DMTN: variants seen among roughly 807,000 people sequenced by gnomAD.
The protein encoded by DMTN is dematin actin binding protein, also known as dematin.
In DMTN, 27 loss-of-function variants were observed where a neutral mutation model predicts 59.4. The ratio of observed to expected loss-of-function variants is 0.45; its 90% CI spans 0.33 to 0.63. DMTN has a LOEUF of 0.63. Ranked by LOEUF, DMTN falls within the 20% of genes least tolerant of loss-of-function variation. The probability of loss-of-function intolerance (pLI) is 0.02; values close to 1 mark genes in which losing one functional copy is unlikely to be tolerated. For missense variants in DMTN, 451 were observed against 528.9 expected (o/e 0.85, Z 1.45); for synonymous variants, 221 against 203.7 (o/e 1.08, Z -0.72).
chr8:22,066,179 A>G (rs982148814), intron 1 of DMTN, among the ~76,000 whole-genome samples: 2 of 152,190 alleles, frequency 1.3e-5, no homozygotes, highest in Admixed American at 6.5e-5. Flanking sequence ...TTTCCATGAA[A>G]CAAAGTTTGT....
intron 10 of DMTN, among the ~76,000 whole-genome samples, chr8:22,075,770 T>G (rs1468146974): frequency 1.3e-5 from 2 of 152,096 alleles, no homozygotes; most frequent in African/African-American, 4.8e-5. Context: ...CCACCTGCCT[T>G]GGCCTCCCAA....
chr8:22,053,434 T>A (rs1243658481), upstream of DMTN: 1 of 152,340 alleles, frequency 6.6e-6, no homozygotes, highest in Non-Finnish European at 1.5e-5. Flanking sequence ...CTGTCACCCT[T>A]TCCTTCCTCC....
intron 1 of DMTN, among the ~76,000 whole-genome samples, chr8:22,061,454 C>T (rs959244129): frequency 7.9e-5 from 12 of 152,144 alleles, no homozygotes; most frequent in Non-Finnish European, 1.5e-4. Flanking sequence ...TATTTGTGCA[C>T]GTGTGAGTAT....
At chr8:22,078,613 A>G (rs909440124) in intron 10 of DMTN, among the ~76,000 whole-genome samples, 19 of 151,626 alleles carry the variant, frequency 1.3e-4, no homozygotes, top group Non-Finnish European at 2.6e-4. Context: ...ATTTCCAGGA[A>G]AACATATTAC....
intron 13 of DMTN, 58 bp downstream of exon 13, chr8:22,080,683 A>C: frequency 1.3e-6 from 2 of 1,587,452 alleles, no homozygotes; most frequent in Non-Finnish European, 1.7e-6. Context: ...CTGGCACCCG[A>C]AAGTGTCAGG....
At chr8:22,077,933 T>G (rs551455566) in intron 10 of DMTN, among the ~76,000 whole-genome samples, 1 of 152,288 alleles carries the variant, frequency 6.6e-6, no homozygotes, top group East Asian at 1.9e-4. Context: ...TGTGTACTTA[T>G]TATTCTAAGA....
intron 15 of DMTN, 74 bp downstream of exon 15, chr8:22,081,267 G>T: frequency 1.2e-6 from 2 of 1,602,126 alleles, no homozygotes; most frequent in Non-Finnish European, 1.7e-6. Flanking sequence ...AAGATCTGGG[G>T]CCTCTATGAG....
upstream of DMTN, among the ~76,000 whole-genome samples, chr8:22,052,138 T>G (rs1293628831): frequency 6.6e-6 from 1 of 152,240 alleles, no homozygotes; most frequent in African/African-American, 2.4e-5. Context: ...GATGAGCGAC[T>G]GTCTCCACTG....
chr8:22,049,444 C>G (rs376544970), upstream of DMTN, among the ~76,000 whole-genome samples: 1,257 of 151,852 alleles, frequency 8.3e-3, 19 homozygotes, highest in African/African-American at 0.029. Context: ...CCAGCTTCTC[C>G]GGTGGGCTTT....
Position 22,058,271 on chromosome 8 carries a change from G to T in DMTN, c.-172+1135G>T, listed in dbSNP as rs1469109227. Among the ~76,000 whole-genome samples, 1 of 152,154 alleles carries T rather than the reference G, an allele frequency of 6.6e-6. No individual in the cohort carries two copies. The highest frequency in any genetic ancestry group is 1.5e-5 in the Non-Finnish European group (1 of 68,020). On this transcript the variant is annotated intron_variant, in intron 1 of 15. Transcript: ENST00000358242. This position sits in a 1 kb window ranked among gnomAD's most constrained non-coding sequence, Gnocchi z 4.3. ...TCCTGGGTGAGGTTGTCCACCCGTG[G>T]GTGGATGTCTGCAGAATCCCTCTCC...
chr8:22,071,869 C>A (rs1275547452), intron 8 of DMTN, among the ~76,000 whole-genome samples: 1 of 152,228 alleles, frequency 6.6e-6, no homozygotes, highest in Non-Finnish European at 1.5e-5. Context: ...CGTGAGTCCC[C>A]GCGCCCGGCC....
In DMTN at chr8:22,060,299, C is replaced by T. The variant is rs138541064; in HGVS notation, c.-172+3163C>T. On this transcript the variant is annotated intron_variant, in intron 1 of 15. Transcript: ENST00000358242. This position sits in a 1 kb window ranked among gnomAD's most constrained non-coding sequence, Gnocchi z 5.0. ...TGGGAGGAGGTGGAGTGAGCTGGCA[C>T]TTGACCTGCGAGAAATGAGCTTTGA... Among the ~76,000 whole-genome samples the T allele has an allele frequency of 1.0e-3, 154 of 152,184 alleles. 1 individual carries two copies. The highest frequency in any genetic ancestry group is 3.5e-3 in the African/African-American group (144 of 41,504).
At chr8:22,080,699 G>C (rs1290518494) in intron 13 of DMTN, 74 bp downstream of exon 13, 4 of 1,582,202 alleles carry the variant, frequency 2.5e-6, no homozygotes, top group African/African-American at 1.3e-5. Flanking sequence ...TCAGGGGAAG[G>C]GGGGTGTGGG....
At chr8:22,068,080 A>C (rs573101046) in intron 4 of DMTN, among the ~76,000 whole-genome samples, 77 of 152,282 alleles carry the variant, frequency 5.1e-4, no homozygotes, top group Non-Finnish European at 9.6e-4. Flanking sequence ...CAAGGTAGTG[A>C]AGGTGCAGGA....
upstream of DMTN, among the ~76,000 whole-genome samples, chr8:22,051,854 A>C (rs1801386505): frequency 6.6e-6 from 1 of 151,842 alleles, no homozygotes; most frequent in African/African-American, 2.4e-5. Context: ...CTTCCCTACC[A>C]TCAACCACAG....
chr8:22,070,086 C>T lies in DMTN; in HGVS notation c.452-96C>T, dbSNP rs1814122237. On this transcript the variant is annotated intron_variant, in intron 7 of 15. Coordinates refer to ENST00000358242, the MANE Select transcript of DMTN (RefSeq NM_001387751.1). ...GTGCTCAGCGTGTACACTGCTTTTA[C>T]CTGCAGGACCTCACAGGTGTGAGGG... 4.5e-6 allele frequency: 7 copies of T among 1,550,978 alleles called. No individual in the cohort carries two copies. In the East Asian group the frequency reaches 1.4e-4, roughly 30 times the overall value.
chr8:22,063,458 T>C (rs1170772331), intron 1 of DMTN, among the ~76,000 whole-genome samples: 7 of 152,342 alleles, frequency 4.6e-5, no homozygotes, highest in Non-Finnish European at 8.8e-5. Context: ...TAAAAAGTTT[T>C]TGAGCCTTCT....
chr8:22,067,715 G>T (rs1208953703), intron 4 of DMTN, 33 bp downstream of exon 4: 2 of 1,607,856 alleles, frequency 1.2e-6, no homozygotes, highest in Non-Finnish European at 8.5e-7. Flanking sequence ...GGACTCCGGG[G>T]GAGGCCCCCC....
intron 10 of DMTN, among the ~76,000 whole-genome samples, chr8:22,076,578 ATATATATG>A (rs1342254986): frequency 6.6e-6 from 1 of 151,890 alleles, no homozygotes; most frequent in Non-Finnish European, 1.5e-5. Context: ...CTAATTGTAT[ATATATATG>A]TATATATGTG....
Sources: gnomAD v4.1 joint callset for allele counts (sites outside exome capture counted in the v4.1 genomes callset) on GRCh38, gnomAD v4.1.1 for gene constraint, Gnocchi (gnomAD v3.1) non-coding constraint, MANE v1.5 for transcripts, NCBI Gene and HGNC (gene_info 2026-07-23, HGNC 2026-07-21) for gene names.